Variants in PDYN observed in about 807,000 individuals in gnomAD.
The protein encoded by PDYN is prodynorphin.
Under a neutral mutation model 11.4 loss-of-function variants are expected in PDYN, and 5 were observed. The ratio of observed to expected loss-of-function variants is 0.44; its 90% CI spans 0.23 to 0.92. PDYN has a LOEUF of 0.92. Among genes scored for constraint, PDYN ranks in the 40% least tolerant of loss-of-function variants. The pLI, the probability that PDYN is intolerant of heterozygous loss-of-function variation, is 0.24. For missense variants in PDYN, 337 were observed against 317.3 expected (o/e 1.06, Z -0.47); for synonymous variants, 132 against 129.5 (o/e 1.02, Z -0.13).
At chr20:1,993,427 C>T (rs958723215) in intron 1 of PDYN, among the ~76,000 whole-genome samples, 9 of 152,174 alleles carry the variant, frequency 5.9e-5, no homozygotes, top group East Asian at 1.9e-4. Flanking sequence ...CGAACCTGGC[C>T]GTACATTGAT....
chr20:1,982,172 A>G (rs372030504), intron 3 of PDYN, among the ~76,000 whole-genome samples: 9 of 152,116 alleles, frequency 5.9e-5, no homozygotes, highest in African/African-American at 1.7e-4. Flanking sequence ...CAGGAGAATC[A>G]TTTGAACCCA....
intron 1 of PDYN, chr20:1,993,590 G>A (rs1283197289): frequency 6.6e-6 from 1 of 152,168 alleles, no homozygotes; most frequent in Non-Finnish European, 1.5e-5. Flanking sequence ...ATTTTCCCCA[G>A]ACCCTGGGAA....
In PDYN at chr20:1,980,483, T is replaced by G. The variant is rs777476644; in HGVS notation, c.605A>C (p.Asp202Ala). ...GAAGCCCCCATAGCGTTTGTACAGG[T>G]CCTCATGGCCCATGCTATCCCCGTC... ...EGDGDSMGHEDLYKRYGGFLR... is the reference protein window; with the variant it reads ...EGDGDSMGHEALYKRYGGFLR... Residue 202 changes from aspartate (D) to alanine (A), a missense_variant, in exon 4 of 4, where the codon GAC becomes GCC. Coordinates refer to ENST00000217305, the MANE Select transcript of PDYN (RefSeq NM_024411.5). 6.2e-7 allele frequency: 1 copy of G among 1,613,002 alleles called. No individual in the cohort carries two copies. Among genetic ancestry groups the G allele is most frequent in the South Asian group, 1.1e-5 (1 of 91,054 alleles).
At chr20:1,983,317 A>G (rs1397353111) in intron 2 of PDYN, among the ~76,000 whole-genome samples, 2 of 152,270 alleles carry the variant, frequency 1.3e-5, no homozygotes, top group East Asian at 3.9e-4. Flanking sequence ...GTATACCCAG[A>G]GCTTTCCTGC....
chr20:1,979,933 A>C lies in PDYN; in HGVS notation c.*390T>G, dbSNP rs903722719. On this transcript the variant is annotated 3_prime_UTR_variant, in exon 4 of 4. Transcript: ENST00000217305. ...ATATTTCTTCTAAGAGGGGCATGTG[A>C]TCTGTTAAGTTTGGACATCATAGAC... 6.6e-6 allele frequency: 2 copies of C among 304,860 alleles called. No homozygotes were observed. Among genetic ancestry groups the C allele is most frequent in the Non-Finnish European group, 1.3e-5 (2 of 158,490 alleles). The allele number at this position is 304,860 out of a possible 1,614,324, so 18.9% of individuals were successfully genotyped here.
At chr20:1,981,176 CCAGGA>C (rs1987758535) in intron 3 of PDYN, among the ~76,000 whole-genome samples, 1 of 152,118 alleles carries the variant, frequency 6.6e-6, no homozygotes, top group African/African-American at 2.4e-5. Context: ...GGCTTTAGAC[CCAGGA>C]CACATGGCTG....
intron 2 of PDYN, among the ~76,000 whole-genome samples, chr20:1,990,624 A>C (rs761593375): frequency 2.6e-5 from 4 of 152,198 alleles, no homozygotes; most frequent in Non-Finnish European, 5.9e-5. Flanking sequence ...ACCAGAGGGA[A>C]AGACGGCCTT....
At chr20:1,992,768 G>A (rs981200325) in intron 1 of PDYN, 125 bp from the exon 2 acceptor site, 13 of 152,312 alleles carry the variant, frequency 8.5e-5, no homozygotes, top group African/African-American at 2.9e-4. Context: ...GAAGAGGATC[G>A]ACATTCTGCA....
Position 1,979,997 on chromosome 20 carries a change from AT to A in PDYN, c.*325del. ...GAACACATCGCTCTGGTTCCCTGGAATTGAGGAGTCACGTGAACAGGTTGGA... is the reference window on the plus strand; with the variant it reads ...GAACACATCGCTCTGGTTCCCTGGAATGAGGAGTCACGTGAACAGGTTGGA... On this transcript the variant is annotated 3_prime_UTR_variant, in exon 4 of 4. Transcript: ENST00000217305. 2.4e-6 allele frequency: 1 copy of A among 410,100 alleles called. No individual in the cohort carries two copies. The highest frequency in any genetic ancestry group is 4.6e-6 in the Non-Finnish European group (1 of 216,846). 25.4% of individuals were successfully genotyped at this position (410,100 alleles called of 1,614,324 possible).
At chr20:1,992,523 A>G (rs964349138) in intron 2 of PDYN, 61 bp downstream of exon 2, 1 of 152,256 alleles carries the variant, frequency 6.6e-6, no homozygotes, top group South Asian at 2.1e-4. Context: ...CAGCTGGGGC[A>G]AAGCAGTGGG....
In PDYN at chr20:1,983,024, C is replaced by T. The variant is rs1987931101; in HGVS notation, c.61G>A (p.Asp21Asn). ...CACAAGGAGCACCGCGACAGGCAGT[C>T]CGCTGTGGTGGAGGGGAACATGAGG... ...CLLMFPSTTA[D>N]CLSRCSLCAV... Residue 21 changes from aspartate (D) to asparagine (N), a missense_variant, in exon 3 of 4, where the codon GAC becomes AAC. Asp to Asn is a conservative substitution (Grantham distance 23, BLOSUM62 1). Transcript: ENST00000217305. 1 of 1,613,906 alleles carries T rather than the reference C, an allele frequency of 6.2e-7. No individual in the cohort carries two copies. Among genetic ancestry groups the T allele is most frequent in the African/African-American group, 1.3e-5 (1 of 74,916 alleles).
chr20:1,984,258 C>T (rs61513735), intron 2 of PDYN, among the ~76,000 whole-genome samples: 7,534 of 152,266 alleles, frequency 0.049, 634 homozygotes, highest in African/African-American at 0.17. Context: ...CCTCAGACTT[C>T]TACATCACTA....
Position 1,993,948 on chromosome 20 carries a change from G to C in PDYN, c.-117C>G, listed in dbSNP as rs948422146. 1 of 153,644 alleles carries C rather than the reference G, an allele frequency of 6.5e-6. No individual in the cohort carries two copies. Among genetic ancestry groups the C allele is most frequent in the Non-Finnish European group, 1.5e-5 (1 of 68,288 alleles). 9.5% of individuals were successfully genotyped at this position (153,644 alleles called of 1,614,324 possible). ...TTGTCCCTGGGCAGCTTCTGGCCGA[G>C]CAGGTCGGAGGTGGCAGTGGCTGGT... On this transcript the variant is annotated 5_prime_UTR_variant, in exon 1 of 4. Coordinates refer to ENST00000217305, the MANE Select transcript of PDYN (RefSeq NM_024411.5).
intron 2 of PDYN, among the ~76,000 whole-genome samples, chr20:1,991,357 G>C (rs1313285916): frequency 6.6e-6 from 1 of 152,238 alleles, no homozygotes; most frequent in African/African-American, 2.4e-5. Context: ...TGGCCAGTGG[G>C]ATGACCTGGA....
At chr20:1,993,586 C>T (rs1988545341) in intron 1 of PDYN, 1 of 152,170 alleles carries the variant, frequency 6.6e-6, no homozygotes, top group African/African-American at 2.4e-5. Flanking sequence ...TCCCATTTTC[C>T]CCAGACCCTG....
intron 2 of PDYN, among the ~76,000 whole-genome samples, chr20:1,992,074 C>A (rs1249458035): frequency 6.6e-6 from 1 of 152,202 alleles, no homozygotes; most frequent in Non-Finnish European, 1.5e-5. Flanking sequence ...ATTTATTGAG[C>A]ACCTACTGAA....
At chr20:1,982,181 C>G (rs1388689822) in intron 3 of PDYN, among the ~76,000 whole-genome samples, 1 of 152,020 alleles carries the variant, frequency 6.6e-6, no homozygotes, top group Non-Finnish European at 1.5e-5. Flanking sequence ...CATTTGAACC[C>G]AGGAGGCAGA....
At chr20:1,985,995 G>A (rs887307940) in intron 2 of PDYN, among the ~76,000 whole-genome samples, 7 of 152,210 alleles carry the variant, frequency 4.6e-5, no homozygotes, top group Non-Finnish European at 5.9e-5. Flanking sequence ...GGGGACTCAC[G>A]TTAAGATCTC....
chr20:1,981,418 A>G (rs1987779013), intron 3 of PDYN, among the ~76,000 whole-genome samples: 2 of 152,290 alleles, frequency 1.3e-5, no homozygotes, highest in Middle Eastern at 3.4e-3. Flanking sequence ...AGGAGGGTTC[A>G]TCAGGCCTGG....
Sources: allele counts gnomAD v4.1 joint callset (sites outside exome capture counted in the v4.1 genomes callset), GRCh38; gene constraint gnomAD v4.1.1; transcripts MANE v1.5; gene names NCBI Gene and HGNC (gene_info 2026-07-23, HGNC 2026-07-21).